Variants in KCNIP4 observed in about 807,000 individuals in gnomAD.
The protein encoded by KCNIP4 is Kv channel-interacting protein 4.
Under a neutral mutation model 34.0 loss-of-function variants are expected in KCNIP4, and 12 were observed. That is an observed-to-expected ratio of 0.35 (90% CI 0.23 to 0.57). KCNIP4 has a LOEUF of 0.57. Ranked by LOEUF, KCNIP4 falls within the 20% of genes least tolerant of loss-of-function variation. The pLI, the probability that KCNIP4 is intolerant of heterozygous loss-of-function variation, is 0.83. For missense variants in KCNIP4, 238 were observed against 311.7 expected, an observed-to-expected ratio of 0.76 and a Z score of 1.78; for synonymous variants, 124 against 102.2, an observed-to-expected ratio of 1.21 and a Z score of -1.29.
At chr4:20,781,054 T>G (rs1491364) in intron 3 of KCNIP4, among the ~76,000 whole-genome samples, 5 of 151,930 alleles carry the variant, frequency 3.3e-5, no homozygotes, top group Non-Finnish European at 7.4e-5. Flanking sequence ...TATTTTTCTT[T>G]GTTATTGTTT....
At chr4:21,845,589 T>G (rs1723966892) in intron 1 of KCNIP4, 1 of 152,086 alleles carries the variant, frequency 6.6e-6, no homozygotes, top group African/African-American at 2.4e-5. Context: ...GCTTTTTTTC[T>G]TGCAAAAGGA....
chr4:20,802,193 AT>A (rs1357127908), intron 3 of KCNIP4, among the ~76,000 whole-genome samples: 1 of 144,718 alleles, frequency 6.9e-6, no homozygotes, highest in Non-Finnish European at 1.5e-5. Context: ...TGCTATATAT[AT>A]GCTATATATA....
intron 1 of KCNIP4, chr4:21,697,482 C>CCAA (rs1312666558): frequency 1.3e-5 from 20 of 1,522,460 alleles, no homozygotes; most frequent in Non-Finnish European, 1.7e-5. Flanking sequence ...GAAGTCTTTG[C>CCAA]CAATAATAAT....
chr4:20,956,516 G>A (rs983403819), intron 1 of KCNIP4, among the ~76,000 whole-genome samples: 10 of 135,264 alleles, frequency 7.4e-5, no homozygotes, highest in African/African-American at 2.0e-4. Context: ...AAAAAAAAAA[G>A]TTTTCTCTTA....
intron 1 of KCNIP4, among the ~76,000 whole-genome samples, chr4:21,907,367 C>T (rs148686750): frequency 6.6e-6 from 1 of 152,274 alleles, no homozygotes; most frequent in Non-Finnish European, 1.5e-5. Context: ...TGAGGCAGTA[C>T]GAAAGCCTTC....
chr4:21,496,970 A>C (rs1370925596), intron 1 of KCNIP4, among the ~76,000 whole-genome samples: 3 of 152,178 alleles, frequency 2.0e-5, no homozygotes, highest in African/African-American at 4.8e-5. Flanking sequence ...GCTGGCTTAC[A>C]GGATAAAGTC....
At chr4:21,807,578 C>T (rs1322533696) in intron 1 of KCNIP4, among the ~76,000 whole-genome samples, 1 of 152,134 alleles carries the variant, frequency 6.6e-6, no homozygotes. Context: ...GTTCTGAAAA[C>T]ACATGAGTTG....
At chr4:21,446,746 T>C (rs1405810513) in intron 1 of KCNIP4, among the ~76,000 whole-genome samples, 1 of 152,010 alleles carries the variant, frequency 6.6e-6, no homozygotes, top group South Asian at 2.1e-4. Context: ...ACATGTACCT[T>C]AAAACTTAAA....
intron 1 of KCNIP4, among the ~76,000 whole-genome samples, chr4:21,903,008 G>C (rs937233084): frequency 5.9e-5 from 9 of 152,072 alleles, no homozygotes; most frequent in African/African-American, 2.2e-4. Flanking sequence ...TGCCCATAAT[G>C]TCTAATGACT....
At chr4:21,127,293 C>G (rs530951902) in intron 1 of KCNIP4, among the ~76,000 whole-genome samples, 1 of 152,120 alleles carries the variant, frequency 6.6e-6, no homozygotes, top group African/African-American at 2.4e-5. Context: ...TGTCTCACTT[C>G]CCCTTCTCTC....
intron 3 of KCNIP4, among the ~76,000 whole-genome samples, chr4:20,842,187 C>T (rs1439697622): frequency 6.6e-6 from 1 of 152,042 alleles, no homozygotes; most frequent in Non-Finnish European, 1.5e-5. Flanking sequence ...CAGTGATGAG[C>T]CTGAACTCAG....
At chr4:21,038,977 G>C (rs1285830013) in intron 1 of KCNIP4, among the ~76,000 whole-genome samples, 3 of 152,158 alleles carry the variant, frequency 2.0e-5, no homozygotes, top group Non-Finnish European at 2.9e-5. Flanking sequence ...TCATGTTTTT[G>C]AGAGTTCACT....
chr4:20,782,517 C>T (rs1056024655), intron 3 of KCNIP4, among the ~76,000 whole-genome samples: 3 of 152,152 alleles, frequency 2.0e-5, no homozygotes, highest in Non-Finnish European at 2.9e-5. Flanking sequence ...TGTGCAGGCT[C>T]AACACCACAT....
intron 1 of KCNIP4, among the ~76,000 whole-genome samples, chr4:21,143,868 A>C (rs1752156415): frequency 1.7e-5 from 2 of 116,668 alleles, no homozygotes; most frequent in African/African-American, 3.1e-5. Context: ...ATGCCCAGCT[A>C]GTTTTTTTTT....
chr4:21,095,506 A>G (rs1370942642), intron 1 of KCNIP4, among the ~76,000 whole-genome samples: 1 of 152,194 alleles, frequency 6.6e-6, no homozygotes, highest in African/African-American at 2.4e-5. Flanking sequence ...AAAAACACAT[A>G]CTAATTAAGT....
rs190836520 is a variant in KCNIP4 at position 21,319,928 on chromosome 4, G to A, written c.62-437219C>T. 9.9e-5 allele frequency among the ~76,000 whole-genome samples: 15 copies of A among 152,260 alleles called. 1 individual carries two copies. In the East Asian group the frequency reaches 2.9e-3, roughly 29 times the overall value. ...ATAGGATAGAACTGGTGAGTGTTTT[G>A]CAAATAGAAAAGGCATTATTTTGTG... On this transcript the variant is annotated intron_variant, in intron 1 of 8. Transcript: ENST00000382152.
intron 1 of KCNIP4, among the ~76,000 whole-genome samples, chr4:21,794,913 TAAAC>T (rs1236165812): frequency 6.6e-6 from 1 of 151,722 alleles, no homozygotes; most frequent in East Asian, 1.9e-4. Flanking sequence ...AACAAACAAA[TAAAC>T]AAACGAACAA....
chr4:21,109,877 C>G (rs1174823571), intron 1 of KCNIP4, among the ~76,000 whole-genome samples: 1 of 152,016 alleles, frequency 6.6e-6, no homozygotes. Context: ...TGAAACTACT[C>G]TTTCCTAAAG....
intron 1 of KCNIP4, among the ~76,000 whole-genome samples, chr4:21,421,748 T>C (rs1725468296): frequency 6.6e-6 from 1 of 152,214 alleles, no homozygotes; most frequent in African/African-American, 2.4e-5. Context: ...ACCATAAATG[T>C]TCTAACCACA....
Sources: gnomAD v4.1 joint callset for allele counts (sites outside exome capture counted in the v4.1 genomes callset) on GRCh38, gnomAD v4.1.1 for gene constraint, MANE v1.5 for transcripts, NCBI Gene and HGNC (gene_info 2026-07-23, HGNC 2026-07-21) for gene names.